Variants in KLF8 observed in about 807,000 individuals in gnomAD.
The protein encoded by KLF8 is Krueppel-like factor 8.
In KLF8, 10 loss-of-function variants were observed where a neutral mutation model predicts 18.2. The ratio of observed to expected loss-of-function variants is 0.55; its 90% CI spans 0.34 to 0.93. The LOEUF is 0.93. KLF8 is among the 40% of genes least tolerant of loss of function. The probability of loss-of-function intolerance (pLI) is 0.02; values close to 1 mark genes in which losing one functional copy is unlikely to be tolerated. For synonymous variants in KLF8, 109 were observed against 97.3 expected (o/e 1.12, Z -0.71); for missense variants, 264 against 277.9 (o/e 0.95, Z 0.36).
chrX:56,047,699 T>C, the KLF8 span, among the ~76,000 whole-genome samples: 2 of 111,440 alleles, frequency 1.8e-5, no homozygotes, highest in Non-Finnish European at 3.8e-5. Context: ...AAGTCTTTGC[T>C]ATTGTGAATA....
the KLF8 span, among the ~76,000 whole-genome samples, chrX:55,986,449 T>G: frequency 8.9e-6 from 1 of 112,223 alleles, no homozygotes; most frequent in Non-Finnish European, 1.9e-5. Context: ...TTTGTGTATG[T>G]TGAACCAACC....
chrX:56,261,778 T>G (rs764707171), intron 2 of KLF8, among the ~76,000 whole-genome samples: 11 of 111,785 alleles, frequency 9.8e-5, no homozygotes, highest in African/African-American at 2.9e-4. Flanking sequence ...AAAATTATTT[T>G]GATCATATTG....
At chrX:56,249,033 C>T (rs561050259) in intron 1 of KLF8, among the ~76,000 whole-genome samples, 1 of 112,326 alleles carries the variant, frequency 8.9e-6, no homozygotes, top group African/African-American at 3.2e-5. Context: ...ATGAAAGTAT[C>T]TGCCTGCAAG....
At chrX:56,048,334 C>A in the KLF8 span, among the ~76,000 whole-genome samples, 9 of 111,617 alleles carry the variant, frequency 8.1e-5, no homozygotes, top group African/African-American at 2.9e-4. Flanking sequence ...AGACATGAAG[C>A]CCTTGCCCAT....
the KLF8 span, among the ~76,000 whole-genome samples, chrX:56,055,532 T>C: frequency 8.9e-6 from 1 of 111,805 alleles, no homozygotes; most frequent in African/African-American, 3.2e-5. Flanking sequence ...AATCTGATGA[T>C]TATGTTGCTT....
At chrX:55,909,267 C>T in the KLF8 span, among the ~76,000 whole-genome samples, 1 of 112,389 alleles carries the variant, frequency 8.9e-6, no homozygotes, top group Admixed American at 9.3e-5. Context: ...TTTTCTTACT[C>T]AGACCAGCTT....
At chrX:55,967,489 AC>A in the KLF8 span, among the ~76,000 whole-genome samples, 3 of 110,475 alleles carry the variant, frequency 2.7e-5, no homozygotes, top group Non-Finnish European at 5.7e-5. Flanking sequence ...AAAAAAAAAA[AC>A]TTTAGAATAC....
chrX:56,085,922 A>G, the KLF8 span, among the ~76,000 whole-genome samples: 4 of 112,116 alleles, frequency 3.6e-5, no homozygotes, highest in African/African-American at 1.3e-4. Context: ...TCACTGCGTC[A>G]TGAGTTCTGG....
chrX:56,047,090 G>A, the KLF8 span, among the ~76,000 whole-genome samples: 1 of 109,388 alleles, frequency 9.1e-6, no homozygotes, highest in Non-Finnish European at 1.9e-5. Flanking sequence ...GATGATTTGG[G>A]TTAATTTGAA....
the KLF8 span, among the ~76,000 whole-genome samples, chrX:56,183,174 C>T: frequency 1.4e-4 from 16 of 111,900 alleles, no homozygotes; most frequent in East Asian, 4.0e-3. Context: ...CAATGGCAGA[C>T]GCCCCTAACC....
chrX:56,270,370 ACACACACACAC>A, intron 5 of KLF8, 49 bp downstream of exon 5: 2 of 1,054,494 alleles, frequency 1.9e-6, no homozygotes, highest in African/African-American at 2.2e-5. Flanking sequence ...ACACACACAC[ACACACACACAC>A]GAGAGAGAGA....
chrX:56,009,464 C>G, the KLF8 span, among the ~76,000 whole-genome samples: 3 of 111,561 alleles, frequency 2.7e-5, no homozygotes, highest in African/African-American at 9.8e-5. Flanking sequence ...TCAGCAGCCT[C>G]AAAGATGAAA....
At chrX:56,106,007 G>C in the KLF8 span, among the ~76,000 whole-genome samples, 1 of 111,389 alleles carries the variant, frequency 9.0e-6, no homozygotes, top group Non-Finnish European at 1.9e-5. Context: ...GAAATTCTGG[G>C]TTGAAAATTC....
the KLF8 span, among the ~76,000 whole-genome samples, chrX:56,013,138 C>T: frequency 8.9e-6 from 1 of 112,652 alleles, no homozygotes; most frequent in African/African-American, 3.2e-5. Flanking sequence ...GAGAGCCTAC[C>T]TCTTGCATCA....
chrX:56,083,323 G>T, the KLF8 span, among the ~76,000 whole-genome samples: 1 of 111,982 alleles, frequency 8.9e-6, no homozygotes, highest in Non-Finnish European at 1.9e-5. Context: ...ACATTAACAT[G>T]TATCTCATAA....
At chrX:55,922,648 TAAAAAA>T in the KLF8 span, among the ~76,000 whole-genome samples, 1 of 111,569 alleles carries the variant, frequency 9.0e-6, no homozygotes, top group Non-Finnish European at 1.9e-5. Context: ...AAAATCCCAT[TAAAAAA>T]TGGGCAAAGG....
chrX:56,087,171 A>C, the KLF8 span, among the ~76,000 whole-genome samples: 1 of 111,403 alleles, frequency 9.0e-6, no homozygotes, highest in African/African-American at 3.3e-5. Context: ...GTATTCTTTC[A>C]TGAATTCATT....
intron 3 of KLF8, 42 bp downstream of exon 3, chrX:56,265,786 A>C: frequency 8.6e-7 from 1 of 1,163,733 alleles, no homozygotes; most frequent in Non-Finnish European, 1.1e-6. Context: ...TCCTGAATCT[A>C]TTCCCTTTTA....
chrX:56,014,375 C>G, the KLF8 span, among the ~76,000 whole-genome samples: 3,217 of 112,303 alleles, frequency 0.029, 131 homozygotes, highest in African/African-American at 0.098. Context: ...CATATGGAAA[C>G]AAGCTCAACA....
Sources: gnomAD v4.1 joint callset for allele counts (sites outside exome capture counted in the v4.1 genomes callset) on GRCh38, gnomAD v4.1.1 for gene constraint, MANE v1.5 for transcripts, NCBI Gene and HGNC (gene_info 2026-07-23, HGNC 2026-07-21) for gene names.